Variants in LIN9 observed in about 807,000 individuals in gnomAD.
LIN9 encodes lin-9 DREAM MuvB core complex component.
LIN9 carries 18 observed loss-of-function variants against 78.0 expected under a neutral mutation model. That is an observed-to-expected ratio of 0.23 (90% CI 0.16 to 0.34). The LOEUF is 0.34. LIN9 is among the 10% of genes least tolerant of loss of function. The pLI is 1.00. For synonymous variants in LIN9, 192 were observed against 215.2 expected (o/e 0.89, Z 0.94); for missense variants, 451 against 644.1 (o/e 0.70, Z 3.25).
intron 1 of LIN9, among the ~76,000 whole-genome samples, chr1:226,304,667 G>T (rs1362563240): frequency 6.6e-6 from 1 of 152,140 alleles, no homozygotes; most frequent in Non-Finnish European, 1.5e-5. Context: ...TCAAAGCAAT[G>T]AGTCTGGGCA....
chr1:226,245,725 G>A (rs530991602), intron 11 of LIN9, among the ~76,000 whole-genome samples: 8 of 151,856 alleles, frequency 5.3e-5, no homozygotes, highest in Non-Finnish European at 1.2e-4. Flanking sequence ...AGCCTCCTGC[G>A]TAGCTGGGAT....
intron 7 of LIN9, among the ~76,000 whole-genome samples, chr1:226,275,032 C>T (rs1197345577): frequency 6.6e-6 from 1 of 152,002 alleles, no homozygotes; most frequent in Admixed American, 6.6e-5. Context: ...CCCACAAGTA[C>T]AGCAATTTTT....
chr1:226,292,119 G>A (rs1487318762), intron 4 of LIN9, among the ~76,000 whole-genome samples: 1 of 152,084 alleles, frequency 6.6e-6, no homozygotes, highest in Non-Finnish European at 1.5e-5. Context: ...TTAAGGACCC[G>A]CCTGTTGGGT....
At chr1:226,309,739 C>T (rs1663184913), upstream of LIN9, 1 of 1,287,900 alleles carries the variant, frequency 7.8e-7, no homozygotes, top group Admixed American at 2.3e-5. Context: ...CCAGCGGCCC[C>T]TCGCGATCCG....
chr1:226,299,500 G>A (rs1662378684), intron 2 of LIN9, among the ~76,000 whole-genome samples: 1 of 104,164 alleles, frequency 9.6e-6, no homozygotes, highest in Admixed American at 1.2e-4. Context: ...CCGAGACTCA[G>A]TCTCAAAAAA....
chr1:226,238,893 T>C, intron 12 of LIN9, 78 bp downstream of exon 12: 1 of 1,433,808 alleles, frequency 7.0e-7, no homozygotes. Flanking sequence ...TGGCTTGGTA[T>C]GGATTTTCTA....
intron 10 of LIN9, among the ~76,000 whole-genome samples, chr1:226,252,987 G>A (rs915859371): frequency 1.3e-5 from 2 of 151,868 alleles, no homozygotes; most frequent in African/African-American, 4.8e-5. Context: ...TCCCAGCTGG[G>A]CACAGTGGCT....
intron 8 of LIN9, among the ~76,000 whole-genome samples, chr1:226,266,983 T>C (rs1340442825): frequency 2.0e-5 from 3 of 151,938 alleles, no homozygotes; most frequent in African/African-American, 7.3e-5. Flanking sequence ...TTTCACCATG[T>C]TGGCCAGGCT....
At chr1:226,278,062 G>A in intron 6 of LIN9, 130 bp from the exon 7 acceptor site, 3 of 656,378 alleles carry the variant, frequency 4.6e-6, no homozygotes, top group Non-Finnish European at 7.5e-6. Context: ...GCACAATCTT[G>A]GCTCACTGCA....
chr1:226,239,530 TAGAATC>T (rs1369896623), intron 11 of LIN9, among the ~76,000 whole-genome samples: 1 of 152,214 alleles, frequency 6.6e-6, no homozygotes, highest in Non-Finnish European at 1.5e-5. Flanking sequence ...GCGTGGGTAT[TAGAATC>T]AGATTATATA....
intron 10 of LIN9, among the ~76,000 whole-genome samples, chr1:226,259,422 A>AATT (rs1460877539): frequency 6.6e-6 from 1 of 152,186 alleles, no homozygotes; most frequent in Non-Finnish European, 1.5e-5. Flanking sequence ...CAAGGACATA[A>AATT]ACTCAACAAT....
intron 10 of LIN9, among the ~76,000 whole-genome samples, chr1:226,252,148 T>A (rs571994895): frequency 1.3e-5 from 2 of 152,168 alleles, no homozygotes; most frequent in East Asian, 1.9e-4. Context: ...CTGGGTTTGG[T>A]GGCTTGCATC....
At chr1:226,271,934 CAT>C (rs1660301881) in intron 7 of LIN9, among the ~76,000 whole-genome samples, 1 of 151,914 alleles carries the variant, frequency 6.6e-6, no homozygotes, top group Non-Finnish European at 1.5e-5. Context: ...ATTTGCACTG[CAT>C]ATCTTTTTCA....
At chr1:226,308,518 A>G (rs1019998109) in intron 1 of LIN9, among the ~76,000 whole-genome samples, 2 of 152,162 alleles carry the variant, frequency 1.3e-5, no homozygotes, top group Non-Finnish European at 2.9e-5. Flanking sequence ...TCCCAGGGGA[A>G]GGGGCCAACC....
chr1:226,250,109 G>A (rs934032211), intron 11 of LIN9, among the ~76,000 whole-genome samples: 2 of 151,640 alleles, frequency 1.3e-5, no homozygotes, highest in African/African-American at 4.9e-5. Context: ...GGTGGAGGTT[G>A]CAGTGAGCCG....
chr1:226,252,937 G>C (rs1429314006), intron 10 of LIN9, among the ~76,000 whole-genome samples: 1 of 151,964 alleles, frequency 6.6e-6, no homozygotes, highest in Non-Finnish European at 1.5e-5. Context: ...CTGAACTCCA[G>C]CCTGGGGGAC....
Position 226,297,763 on chromosome 1 carries a change from T to C in LIN9, c.115A>G (p.Thr39Ala). 1 of 1,596,612 alleles carries C rather than the reference T, an allele frequency of 6.3e-7. No individual in the cohort carries two copies. The highest frequency in any genetic ancestry group is 1.1e-5 in the South Asian group (1 of 87,298). Residue 39 changes from threonine to alanine, a missense_variant, in exon 3 of 15, where the codon ACA becomes GCA. Transcript: ENST00000681046. ...GTATTCCTGCCTTTCCAAACAGGTG[T>C]TTTCTGTAAAGAACTGTACTTTTCA... is the stretch of plus-strand genomic sequence containing the variant. ...WNEKYSSLQKTPVWKGRNTSS... is the reference protein window; with the variant it reads ...WNEKYSSLQKAPVWKGRNTSS...
At chr1:226,289,387 GTCTC>G (rs1233040857) in intron 4 of LIN9, among the ~76,000 whole-genome samples, 5 of 152,008 alleles carry the variant, frequency 3.3e-5, no homozygotes, top group East Asian at 1.9e-4. Flanking sequence ...TTGAGACAGG[GTCTC>G]TCTCTCTGTC....
chr1:226,260,647 T>G (rs1431439110), intron 10 of LIN9, among the ~76,000 whole-genome samples: 1 of 127,380 alleles, frequency 7.9e-6, no homozygotes, highest in African/African-American at 3.1e-5. Context: ...TTTTTTTTTT[T>G]TTTTTTTTTT....
Sources: gnomAD v4.1 joint callset for allele counts (sites outside exome capture counted in the v4.1 genomes callset) on GRCh38, gnomAD v4.1.1 for gene constraint, MANE v1.5 for transcripts, NCBI Gene and HGNC (gene_info 2026-07-23, HGNC 2026-07-21) for gene names.